HECW1: variants seen among roughly 807,000 people sequenced by gnomAD.
The protein encoded by HECW1 is HECT, C2 and WW domain containing E3 ubiquitin protein ligase 1, also known as E3 ubiquitin-protein ligase HECW1.
HECW1 carries 61 observed loss-of-function variants against 182.3 expected under a neutral mutation model. That is an observed-to-expected ratio of 0.33 (90% CI 0.27 to 0.41). The LOEUF is 0.41. HECW1 is among the 10% of genes least tolerant of loss of function. HECW1 has a pLI of 1.00. For missense variants in HECW1, 1,739 were observed against 2,108.9 expected (o/e 0.82, Z 3.44); for synonymous variants, 859 against 832.6 (o/e 1.03, Z -0.55).
intron 7 of HECW1, among the ~76,000 whole-genome samples, chr7:43,398,302 A>T (rs13227224): frequency 0.064 from 9,764 of 152,186 alleles, 464 homozygotes; most frequent in African/African-American, 0.13. Context: ...TAAAAGAAAA[A>T]CTGAGCTGCT....
intron 28 of HECW1, among the ~76,000 whole-genome samples, chr7:43,553,224 G>T (rs1471982789): frequency 6.6e-6 from 1 of 152,142 alleles, no homozygotes; most frequent in Non-Finnish European, 1.5e-5. Context: ...GATTTGAAGG[G>T]TTTTGTTAGC....
At chr7:43,175,242 C>T (rs562027043) in intron 2 of HECW1, among the ~76,000 whole-genome samples, 61 of 152,230 alleles carry the variant, frequency 4.0e-4, no homozygotes, top group African/African-American at 1.4e-3. Context: ...TTCATTCCCT[C>T]GCACACTTAC....
At chr7:43,185,599 G>A (rs192355744) in intron 2 of HECW1, among the ~76,000 whole-genome samples, 34 of 152,200 alleles carry the variant, frequency 2.2e-4, no homozygotes, top group Non-Finnish European at 4.1e-4. Flanking sequence ...GGAAAAATCC[G>A]CACACATTTT....
intron 6 of HECW1, among the ~76,000 whole-genome samples, chr7:43,387,365 G>A (rs889761583): frequency 1.3e-5 from 2 of 152,128 alleles, no homozygotes; most frequent in African/African-American, 4.8e-5. Flanking sequence ...CAGTGTTGGT[G>A]TCTTTCTGAT....
chr7:43,433,509 A>G (rs74968148), intron 8 of HECW1, among the ~76,000 whole-genome samples: 23,847 of 152,256 alleles, frequency 0.16, 2,023 homozygotes, highest in Middle Eastern at 0.23. Context: ...AAAAGTAAGC[A>G]TCCCAACATC....
At chr7:43,529,983 T>C (rs889676469) in intron 24 of HECW1, among the ~76,000 whole-genome samples, 4 of 151,930 alleles carry the variant, frequency 2.6e-5, no homozygotes, top group Non-Finnish European at 5.9e-5. Context: ...AGAGTTTCGC[T>C]CTGTCACCCA....
At chr7:43,318,469 A>G (rs576322149) in intron 4 of HECW1, among the ~76,000 whole-genome samples, 1 of 152,356 alleles carries the variant, frequency 6.6e-6, no homozygotes, top group Admixed American at 6.5e-5. Context: ...TCTTATCGGT[A>G]ATGAGTGTTC....
chr7:43,185,388 C>G (rs1273662511), intron 2 of HECW1, among the ~76,000 whole-genome samples: 2 of 150,088 alleles, frequency 1.3e-5, no homozygotes, highest in Non-Finnish European at 3.0e-5. Flanking sequence ...TAATCAAACT[C>G]GAGGGGTAAA....
At chr7:43,305,790 C>T (rs911191180) in intron 3 of HECW1, among the ~76,000 whole-genome samples, 10 of 150,776 alleles carry the variant, frequency 6.6e-5, no homozygotes, top group South Asian at 4.2e-4. Flanking sequence ...GACGGAGTTT[C>T]GCTCTTGTTG....
chr7:43,140,196 T>C (rs1469478858), intron 2 of HECW1, among the ~76,000 whole-genome samples: 1 of 152,194 alleles, frequency 6.6e-6, no homozygotes, highest in African/African-American at 2.4e-5. Context: ...GTTTCATCTA[T>C]ATTTCTCCTC....
intron 5 of HECW1, among the ~76,000 whole-genome samples, chr7:43,341,894 C>T (rs556792784): frequency 1.3e-5 from 2 of 151,792 alleles, no homozygotes; most frequent in South Asian, 4.1e-4. Context: ...AATTTTACTA[C>T]AAAAATATCA....
chr7:43,319,775 A>ATTTTT (rs10604163), intron 4 of HECW1, among the ~76,000 whole-genome samples: 27 of 105,498 alleles, frequency 2.6e-4, no homozygotes, highest in Non-Finnish European at 2.1e-4. Flanking sequence ...AATTTTTGTA[A>ATTTTT]TTTTTTTTTT....
In HECW1 at chr7:43,404,687, C is replaced by T. The variant is rs1305376899; in HGVS notation, c.632-2875C>T. 2.0e-5 allele frequency among the ~76,000 whole-genome samples: 3 copies of T among 152,120 alleles called. No homozygotes were observed. The East Asian group carries it at 5.8e-4, about 29-fold the overall frequency. On this transcript the variant is annotated intron_variant, in intron 7 of 29. Transcript: ENST00000395891. Reference sequence around the variant, plus strand: ...GACAATATAACAGATTGGTTAAAAGCACAGACTTTGGGCCGGGCACAGTGG... The same window carrying T: ...GACAATATAACAGATTGGTTAAAAGTACAGACTTTGGGCCGGGCACAGTGG...
At chr7:43,377,190 C>T (rs116053986) in intron 6 of HECW1, among the ~76,000 whole-genome samples, 2,188 of 152,276 alleles carry the variant, frequency 0.014, 60 homozygotes, top group African/African-American at 0.05. Flanking sequence ...AGGCCCATCT[C>T]CTCCTCCATA....
At chr7:43,311,588 CCAGAGCTGCAG>C (rs1808510129) in intron 3 of HECW1, 164 bp from the exon 4 acceptor site, 2 of 771,184 alleles carry the variant, frequency 2.6e-6, no homozygotes, top group South Asian at 2.7e-5. Context: ...CCGTGTGAAC[CCAGAGCTGCAG>C]CCTTTGTCAC....
At chr7:43,325,337 C>T (rs1197096147) in intron 5 of HECW1, among the ~76,000 whole-genome samples, 1 of 152,162 alleles carries the variant, frequency 6.6e-6, no homozygotes, top group Non-Finnish European at 1.5e-5. Flanking sequence ...TGCATTTGGG[C>T]TCCGCTGGCC....
intron 6 of HECW1, among the ~76,000 whole-genome samples, chr7:43,369,891 G>A (rs1817120854): frequency 6.6e-6 from 1 of 152,044 alleles, no homozygotes; most frequent in African/African-American, 2.4e-5. Flanking sequence ...AATGATGGAG[G>A]GATAGATAAA....
intron 2 of HECW1, among the ~76,000 whole-genome samples, chr7:43,178,114 A>G (rs990546190): frequency 6.6e-6 from 1 of 152,120 alleles, no homozygotes; most frequent in Admixed American, 6.5e-5. Context: ...GATTCAAGCA[A>G]TTCTGCTTCA....
At chr7:43,124,982 T>C (rs1291534009) in intron 2 of HECW1, among the ~76,000 whole-genome samples, 1 of 152,110 alleles carries the variant, frequency 6.6e-6, no homozygotes, top group Non-Finnish European at 1.5e-5. Context: ...ATAGACTGAG[T>C]GACTTATAAA....
Sources: allele counts gnomAD v4.1 joint callset (sites outside exome capture counted in the v4.1 genomes callset), GRCh38; gene constraint gnomAD v4.1.1; transcripts MANE v1.5; gene names NCBI Gene and HGNC (gene_info 2026-07-23, HGNC 2026-07-21).